DNASE1: variants seen among roughly 807,000 people sequenced by gnomAD.
The protein encoded by DNASE1 is deoxyribonuclease-1.
DNASE1 carries 40 observed loss-of-function variants against 33.9 expected under a neutral mutation model. The ratio of observed to expected loss-of-function variants is 1.18; its 90% CI spans 0.92 to 1.54. The LOEUF (loss-of-function observed/expected upper bound fraction) is 1.54, where lower values mean the gene tolerates loss of function less well. Among genes scored for constraint, DNASE1 ranks in the 40% most tolerant of loss-of-function variants. The pLI is 0.00. For missense variants in DNASE1, 518 were observed against 372.6 expected (o/e 1.39, Z -3.21); for synonymous variants, 216 against 160.0 (o/e 1.35, Z -2.64).
intron 1 of DNASE1, among the ~76,000 whole-genome samples, chr16:3,624,607 G>T (rs2041441001): frequency 6.6e-6 from 1 of 152,188 alleles, no homozygotes; most frequent in Non-Finnish European, 1.5e-5. Flanking sequence ...CGAACATCTA[G>T]ACAGGCAAAG....
chr16:3,657,074 A>G lies in DNASE1; in HGVS notation c.512A>G (p.Asp171Gly). The G allele has an allele frequency of 6.2e-7, 1 of 1,613,970 alleles. No individual in the cohort carries two copies. Among genetic ancestry groups the G allele is most frequent in the Non-Finnish European group, 8.5e-7 (1 of 1,179,984 alleles). Reference sequence around the variant, plus strand: ...GTAGCCGAGATCGACGCTCTCTATGACGTCTACCTGGATGTCCAAGAGAAA... The same window carrying G: ...GTAGCCGAGATCGACGCTCTCTATGGCGTCTACCTGGATGTCCAAGAGAAA... ...DAVAEIDALY[D>G]VYLDVQEKWG... Residue 171 changes from aspartate (D) to glycine (G), a missense_variant, in exon 6 of 9, where the codon GAC becomes GGC. Coordinates refer to ENST00000246949, the MANE Select transcript of DNASE1 (RefSeq NM_005223.4).
exon 10 of DNASE1, chr16:3,664,244 CG>C: frequency 6.6e-7 from 1 of 1,523,842 alleles, no homozygotes. Context: ...TTGCAGCCCC[CG>C]GAGCCCGCCC....
intron 1 of DNASE1, among the ~76,000 whole-genome samples, chr16:3,648,337 C>T (rs1413874840): frequency 2.6e-5 from 4 of 152,064 alleles, no homozygotes; most frequent in Non-Finnish European, 5.9e-5. Context: ...CTGAGATGGG[C>T]GGAACACAAG....
chr16:3,654,256 C>A (rs1596640055), upstream of DNASE1: 1 of 397,954 alleles, frequency 2.5e-6, no homozygotes. Context: ...CAAGAAGGCT[C>A]CCCACTGCTT....
At chr16:3,659,446 C>T (rs1456989719), downstream of DNASE1, 1 of 152,150 alleles carries the variant, frequency 6.6e-6, no homozygotes, top group African/African-American at 2.4e-5. Flanking sequence ...AATGTTTCAT[C>T]ATCTCAGAAG....
At chr16:3,663,494 C>T (rs748514506) in exon 10 of DNASE1, 2 of 1,614,046 alleles carry the variant, frequency 1.2e-6, no homozygotes, top group Non-Finnish European at 1.7e-6. Context: ...CAGAGATCAG[C>T]TTCTTCTTGT....
chr16:3,630,465 G>T (rs11640745), intron 1 of DNASE1, among the ~76,000 whole-genome samples: 34,330 of 152,066 alleles, frequency 0.23, 3,994 homozygotes, highest in East Asian at 0.34. Flanking sequence ...ACGGGCATGA[G>T]CCACTGTTTC....
intron 1 of DNASE1, among the ~76,000 whole-genome samples, chr16:3,617,272 G>A (rs1272932340): frequency 1.4e-5 from 2 of 139,002 alleles, no homozygotes; most frequent in Admixed American, 7.8e-5. Flanking sequence ...GTTGCGGTGA[G>A]CCGAGATCGC....
intron 1 of DNASE1, among the ~76,000 whole-genome samples, chr16:3,629,511 C>T (rs937359009): frequency 6.6e-6 from 1 of 152,118 alleles, no homozygotes; most frequent in East Asian, 1.9e-4. Flanking sequence ...ATTTTTGCAT[C>T]ATTGTGCATA....
chr16:3,635,309 T>A (rs968310803), intron 1 of DNASE1, among the ~76,000 whole-genome samples: 1 of 151,674 alleles, frequency 6.6e-6, no homozygotes, highest in Admixed American at 6.6e-5. Context: ...AATAAAAAAA[T>A]TAGCTGTGCG....
Position 3,656,700 on chromosome 16 carries a change from A to C in DNASE1, c.383A>C (p.Asn128Thr). ...GATGATGGCTGCGAGCCCTGCGGGAACGACACCTTCAACCGAGAGCCAGCC... is the reference window on the plus strand; with the variant it reads ...GATGATGGCTGCGAGCCCTGCGGGACCGACACCTTCAACCGAGAGCCAGCC... ...YYDDGCEPCG[N>T]DTFNREPAIV... Residue 128 changes from asparagine (N) to threonine (T), a missense_variant, in exon 5 of 9, where the codon AAC (asparagine) becomes ACC (threonine). Physicochemically the swap from Asn to Thr is moderately conservative, Grantham distance 65 (BLOSUM62 0). Coordinates refer to ENST00000246949, the MANE Select transcript of DNASE1 (RefSeq NM_005223.4). 1 of 1,613,068 alleles carries C rather than the reference A, an allele frequency of 6.2e-7. No homozygotes were observed.
chr16:3,638,104 A>T (rs1402142556), upstream of DNASE1, among the ~76,000 whole-genome samples: 7 of 143,428 alleles, frequency 4.9e-5, no homozygotes, highest in Non-Finnish European at 1.1e-4. Context: ...AGTTTTTGTG[A>T]GTGTGTGTGT....
At chr16:3,663,880 T>C (rs1379326740) in exon 10 of DNASE1, 1 of 369,828 alleles carries the variant, frequency 2.7e-6, no homozygotes, top group African/African-American at 2.1e-5. Context: ...GAGACCAACA[T>C]GGTGAAATGC....
Position 3,655,014 on chromosome 16 carries a change from G to T in DNASE1, c.-32G>T. 2.0e-6 allele frequency: 1 copy of T among 490,454 alleles called. No individual in the cohort carries two copies. Among genetic ancestry groups the T allele is most frequent in the Non-Finnish European group, 3.6e-6 (1 of 279,580 alleles). 30.4% of individuals were successfully genotyped at this position (490,454 alleles called of 1,614,324 possible). A position where few individuals can be genotyped will look rare whatever the true frequency, so the allele number is the denominator to read the frequency against. On this transcript the variant is annotated 5_prime_UTR_variant, in exon 1 of 9. Coordinates refer to ENST00000246949, the MANE Select transcript of DNASE1 (RefSeq NM_005223.4). ...ATTCCAGATTCTTGACAGCATTCTC[G>T]TCATCTCTGAGGACATCACCATCAT... is the stretch of plus-strand genomic sequence containing the variant.
intron 1 of DNASE1, among the ~76,000 whole-genome samples, chr16:3,615,380 C>T (rs1034921524): frequency 3.3e-5 from 5 of 152,132 alleles, no homozygotes; most frequent in African/African-American, 1.2e-4. Flanking sequence ...GTCCTGGACC[C>T]TATTGTGACT....
intron 1 of DNASE1, among the ~76,000 whole-genome samples, chr16:3,645,923 C>T (rs1041388674): frequency 6.6e-6 from 1 of 152,224 alleles, no homozygotes; most frequent in African/African-American, 2.4e-5. Context: ...GGTTAAAACA[C>T]TGTCACGGCA....
downstream of DNASE1, chr16:3,661,915 A>C: frequency 6.0e-6 from 9 of 1,496,806 alleles, no homozygotes; most frequent in East Asian, 2.4e-5. Flanking sequence ...GTCACATTCC[A>C]CAACAAAAGA....
intron 1 of DNASE1, among the ~76,000 whole-genome samples, chr16:3,626,838 T>G (rs1320809488): frequency 6.6e-6 from 1 of 152,166 alleles, no homozygotes; most frequent in Non-Finnish European, 1.5e-5. Flanking sequence ...AATTGACCTT[T>G]TTTATCATTA....
At chr16:3,624,987 T>C (rs1019971583) in intron 1 of DNASE1, among the ~76,000 whole-genome samples, 1 of 152,160 alleles carries the variant, frequency 6.6e-6, no homozygotes, top group South Asian at 2.1e-4. Context: ...TGAGCCATCA[T>C]GCCCAGCCTG....
Sources: gnomAD v4.1 joint callset for allele counts (sites outside exome capture counted in the v4.1 genomes callset) on GRCh38, gnomAD v4.1.1 for gene constraint, MANE v1.5 for transcripts, NCBI Gene and HGNC (gene_info 2026-07-23, HGNC 2026-07-21) for gene names.